HERC4: variants seen among roughly 807,000 people sequenced by gnomAD.
HERC4 encodes HECT and RLD domain containing E3 ubiquitin protein ligase 4.
Under a neutral mutation model 124.3 loss-of-function variants are expected in HERC4, and 28 were observed. The ratio of observed to expected loss-of-function variants is 0.23; its 90% CI spans 0.17 to 0.31. The LOEUF is 0.31. HERC4 is among the 10% of genes least tolerant of loss of function. The pLI is 1.00. For synonymous variants in HERC4, 407 were observed against 421.5 expected (o/e 0.97, Z 0.42); for missense variants, 713 against 1,229.3 (o/e 0.58, Z 6.28).
At chr10:68,066,655 A>G (rs1443732716) in intron 3 of HERC4, among the ~76,000 whole-genome samples, 1 of 152,210 alleles carries the variant, frequency 6.6e-6, no homozygotes, top group Non-Finnish European at 1.5e-5. Context: ...CCAAGTTCCA[A>G]GGTTAGCCAC....
chr10:67,981,558 T>C (rs1194804953), intron 15 of HERC4, among the ~76,000 whole-genome samples: 3 of 152,210 alleles, frequency 2.0e-5, no homozygotes, highest in Non-Finnish European at 4.4e-5. Flanking sequence ...TTACAGAACA[T>C]TTCATCCAAT....
chr10:67,956,697 C>T (rs2034162278), intron 17 of HERC4, 181 bp downstream of exon 17: 1 of 388,228 alleles, frequency 2.6e-6, no homozygotes, highest in Non-Finnish European at 4.6e-6. Flanking sequence ...ATTTTCACTG[C>T]AACCTTTTTT....
chr10:67,979,017 A>G (rs1020879407), intron 15 of HERC4, among the ~76,000 whole-genome samples: 1 of 152,154 alleles, frequency 6.6e-6, no homozygotes, highest in African/African-American at 2.4e-5. Context: ...GAAGACACAC[A>G]AGTCCAAACC....
intron 4 of HERC4, among the ~76,000 whole-genome samples, chr10:68,038,783 C>A (rs946362763): frequency 1.3e-5 from 2 of 152,106 alleles, no homozygotes; most frequent in Admixed American, 1.3e-4. Context: ...TATGTTAAGT[C>A]TTATTTTCTT....
At chr10:67,980,297 C>T (rs1389160347) in intron 15 of HERC4, among the ~76,000 whole-genome samples, 1 of 151,996 alleles carries the variant, frequency 6.6e-6, no homozygotes, top group Non-Finnish European at 1.5e-5. Flanking sequence ...CCATGCCTGG[C>T]TAATTTTGTA....
intron 19 of HERC4, among the ~76,000 whole-genome samples, chr10:67,948,535 C>T (rs767665848): frequency 2.0e-5 from 3 of 152,026 alleles, no homozygotes; most frequent in African/African-American, 7.3e-5. Context: ...TAGATGTTGG[C>T]GTGGATGTGG....
At chr10:67,938,893 G>A (rs542475676) in intron 21 of HERC4, among the ~76,000 whole-genome samples, 1 of 152,250 alleles carries the variant, frequency 6.6e-6, no homozygotes, top group East Asian at 1.9e-4. Flanking sequence ...GCAGTGAGTT[G>A]AGATCACGTC....
chr10:67,959,802 C>T, intron 16 of HERC4, among the ~76,000 whole-genome samples: 1 of 152,126 alleles, frequency 6.6e-6, no homozygotes, highest in African/African-American at 2.4e-5. Flanking sequence ...ATAATGAAAG[C>T]TTACCACTTT....
At chr10:67,970,689 G>A (rs1029543902) in intron 15 of HERC4, among the ~76,000 whole-genome samples, 13 of 151,818 alleles carry the variant, frequency 8.6e-5, no homozygotes, top group Non-Finnish European at 1.5e-4. Context: ...AAATGTTGGA[G>A]CTAGGAAACA....
intron 14 of HERC4, among the ~76,000 whole-genome samples, chr10:67,989,200 T>C (rs1290776000): frequency 6.6e-6 from 1 of 152,102 alleles, no homozygotes; most frequent in Non-Finnish European, 1.5e-5. Flanking sequence ...TCCTTTAAAT[T>C]GTATTGCTCT....
chr10:67,946,149 G>A (rs1461544667), intron 19 of HERC4, among the ~76,000 whole-genome samples: 1 of 151,696 alleles, frequency 6.6e-6, no homozygotes, highest in African/African-American at 2.4e-5. Context: ...GCTGCTTGGT[G>A]GCTGAAGTGG....
intron 7 of HERC4, among the ~76,000 whole-genome samples, chr10:68,026,045 C>T (rs887052625): frequency 4.6e-5 from 7 of 152,228 alleles, no homozygotes; most frequent in Middle Eastern, 3.4e-3. Flanking sequence ...TACATAAATG[C>T]GCTGCAAAAA....
rs1589169352 is a variant in HERC4 at position 67,954,534 on chromosome 10, C to T, written c.2337+61G>A. 7 of 1,299,434 alleles carry T rather than the reference C, an allele frequency of 5.4e-6. No homozygotes were observed. The East Asian group carries it at 1.0e-4, about 19-fold the overall frequency. 80.5% of individuals were successfully genotyped at this position (1,299,434 alleles called of 1,614,324 possible). On this transcript the variant is annotated intron_variant, in intron 19 of 24. Transcript: ENST00000373700. ...CCTTATTTACTGAATTAACTTGATA[C>T]ATACAGGTATAAATACATGGGTATA...
At chr10:67,954,358 T>C in intron 19 of HERC4, 1 of 343,472 alleles carries the variant, frequency 2.9e-6, no homozygotes. Flanking sequence ...ATAGTCAACA[T>C]TATTTTCTGG....
intron 19 of HERC4, among the ~76,000 whole-genome samples, chr10:67,953,326 GCTGT>G (rs903621780): frequency 2.0e-5 from 3 of 152,032 alleles, no homozygotes; most frequent in Non-Finnish European, 4.4e-5. Context: ...ATATTATCTG[GCTGT>G]CTATCTATAT....
intron 3 of HERC4, among the ~76,000 whole-genome samples, chr10:68,047,396 A>G (rs1273929206): frequency 1.3e-5 from 2 of 152,228 alleles, no homozygotes; most frequent in African/African-American, 4.8e-5. Flanking sequence ...CATATGGGTT[A>G]AGCTTGAATA....
intron 22 of HERC4, among the ~76,000 whole-genome samples, chr10:67,935,099 G>A (rs1013416875): frequency 6.7e-6 from 1 of 148,976 alleles, no homozygotes; most frequent in African/African-American, 2.5e-5. Context: ...CTTTTTGACT[G>A]TTTTGGCCTT....
At chr10:67,976,218 G>A (rs553508413) in intron 15 of HERC4, among the ~76,000 whole-genome samples, 16 of 151,920 alleles carry the variant, frequency 1.1e-4, no homozygotes, top group Non-Finnish European at 2.1e-4. Context: ...TTAGTATTGT[G>A]CTTTAATCAA....
chr10:67,970,069 A>T (rs1402320346), intron 15 of HERC4, among the ~76,000 whole-genome samples: 1 of 152,178 alleles, frequency 6.6e-6, no homozygotes, highest in African/African-American at 2.4e-5. Context: ...ACAGGCCTCA[A>T]ATTCCTCCAA....
Sources: allele counts gnomAD v4.1 joint callset (sites outside exome capture counted in the v4.1 genomes callset), GRCh38; gene constraint gnomAD v4.1.1; transcripts MANE v1.5; gene names NCBI Gene and HGNC (gene_info 2026-07-23, HGNC 2026-07-21).